Variants in IFT56 observed in about 807,000 individuals in gnomAD.
IFT56 encodes the protein intraflagellar transport 56.
the IFT56 span, among the ~76,000 whole-genome samples, chr7:139,138,829 G>C: frequency 1.5e-5 from 1 of 64,560 alleles, no homozygotes. Context: ...TTTTTTTTTT[G>C]ATACGGAGTC....
the IFT56 span, chr7:139,134,543 C>T: frequency 2.5e-6 from 3 of 1,222,284 alleles, no homozygotes; most frequent in South Asian, 3.6e-5. Context: ...GCTGGGATTA[C>T]AGGCATGAGC....
At chr7:139,188,138 T>C in the IFT56 span, among the ~76,000 whole-genome samples, 1 of 151,442 alleles carries the variant, frequency 6.6e-6, no homozygotes, top group East Asian at 1.9e-4. Context: ...TCTTGCTCTG[T>C]TGCCCAGGCT....
chr7:139,149,639 A>G, the IFT56 span, among the ~76,000 whole-genome samples: 1 of 152,102 alleles, frequency 6.6e-6, no homozygotes, highest in Non-Finnish European at 1.5e-5. Flanking sequence ...GGTTAGCCCA[A>G]GAGGCAAAAA....
At chr7:139,172,666 G>A in the IFT56 span, 2 of 616,142 alleles carry the variant, frequency 3.2e-6, no homozygotes, top group South Asian at 2.7e-5. Context: ...TCTCAGAAAA[G>A]GACATCTTTC....
the IFT56 span, among the ~76,000 whole-genome samples, chr7:139,159,699 C>T: frequency 6.6e-6 from 1 of 152,208 alleles, no homozygotes; most frequent in East Asian, 1.9e-4. Context: ...AAATGTAAAA[C>T]AATAACATTG....
the IFT56 span, among the ~76,000 whole-genome samples, chr7:139,171,454 A>G: frequency 1.3e-5 from 2 of 152,216 alleles, no homozygotes; most frequent in African/African-American, 4.8e-5. Context: ...CCTCAGAGCT[A>G]TAGTAACCAA....
chr7:139,154,781 T>C, the IFT56 span, among the ~76,000 whole-genome samples: 1 of 152,154 alleles, frequency 6.6e-6, no homozygotes, highest in Non-Finnish European at 1.5e-5. Flanking sequence ...TCCTAATTTG[T>C]TGTTTGTTTT....
At chr7:139,137,791 CA>C in the IFT56 span, 4 of 1,429,346 alleles carry the variant, frequency 2.8e-6, no homozygotes, top group Non-Finnish European at 2.9e-6. Flanking sequence ...TTTTTTTAAA[CA>C]GAGAGTTTAC....
the IFT56 span, chr7:139,169,179 T>C: frequency 1.0e-6 from 1 of 973,410 alleles, no homozygotes; most frequent in Non-Finnish European, 1.5e-6. Flanking sequence ...TGGGGCAAGA[T>C]TTAAAACAAA....
At chr7:139,165,892 A>T in the IFT56 span, among the ~76,000 whole-genome samples, 3 of 152,164 alleles carry the variant, frequency 2.0e-5, no homozygotes, top group Admixed American at 2.0e-4. Context: ...CTCATGGAGG[A>T]AAATGTATTT....
chr7:139,147,210 C>T, the IFT56 span: 1 of 1,613,626 alleles, frequency 6.2e-7, no homozygotes, highest in African/African-American at 1.3e-5. Flanking sequence ...AAGATCAACT[C>T]AGTTTGGCCT....
chr7:139,181,688 G>A, the IFT56 span, among the ~76,000 whole-genome samples: 4 of 152,096 alleles, frequency 2.6e-5, no homozygotes, highest in Non-Finnish European at 4.4e-5. Context: ...TATACACTTG[G>A]GCCATATGAT....
the IFT56 span, chr7:139,181,299 T>C: frequency 1.2e-6 from 1 of 832,794 alleles, no homozygotes; most frequent in Non-Finnish European, 1.9e-6. Flanking sequence ...AAATGGCTAG[T>C]AGTGAGAGGA....
At chr7:139,176,145 A>G in the IFT56 span, among the ~76,000 whole-genome samples, 1 of 152,128 alleles carries the variant, frequency 6.6e-6, no homozygotes, top group African/African-American at 2.4e-5. Context: ...ACAGCACAAC[A>G]GAGTGACTAC....
At chr7:139,144,841 T>A in the IFT56 span, among the ~76,000 whole-genome samples, 1 of 152,138 alleles carries the variant, frequency 6.6e-6, no homozygotes, top group South Asian at 2.1e-4. Flanking sequence ...TTAATTTAAT[T>A]TCTTAAATAT....
the IFT56 span, among the ~76,000 whole-genome samples, chr7:139,145,887 A>G: frequency 6.6e-6 from 1 of 152,192 alleles, no homozygotes; most frequent in Non-Finnish European, 1.5e-5. Flanking sequence ...CATGTTCATC[A>G]TAGTACTTTT....
chr7:139,190,711 A>T, the IFT56 span: 1 of 152,234 alleles, frequency 6.6e-6, no homozygotes, highest in Admixed American at 6.5e-5. Context: ...CTGAGCTCTT[A>T]TAACATACAA....
At chr7:139,147,218 C>T in the IFT56 span, 1 of 1,613,590 alleles carries the variant, frequency 6.2e-7, no homozygotes, top group Non-Finnish European at 8.5e-7. Flanking sequence ...CTCAGTTTGG[C>T]CTCAATCCAC....
At chr7:139,178,409 G>T in the IFT56 span, 1 of 1,376,328 alleles carries the variant, frequency 7.3e-7, no homozygotes, top group East Asian at 2.4e-5. Context: ...TGGCATTAGT[G>T]GCATCAACTA....
Sources: allele counts gnomAD v4.1 joint callset (sites outside exome capture counted in the v4.1 genomes callset), GRCh38; gene constraint gnomAD v4.1.1; transcripts MANE v1.5; gene names NCBI Gene and HGNC (gene_info 2026-07-23, HGNC 2026-07-21).